Variants in DDX20 observed in about 807,000 individuals in gnomAD.
DDX20 encodes the protein DEAD-box helicase 20.
In DDX20, 61 loss-of-function variants were observed where a neutral mutation model predicts 76.4. The ratio of observed to expected loss-of-function variants is 0.80; its 90% CI spans 0.65 to 0.99. The LOEUF is 0.99. Ranked by LOEUF, DDX20 falls within the 50% of genes least tolerant of loss-of-function variation. The probability of loss-of-function intolerance (pLI) is 0.00; values close to 1 mark genes in which losing one functional copy is unlikely to be tolerated. For missense variants in DDX20, 976 were observed against 996.8 expected, an observed-to-expected ratio of 0.98 and a Z score of 0.28; for synonymous variants, 357 against 357.4, an observed-to-expected ratio of 1.00 and a Z score of 0.01.
chr1:111,766,205 T>G lies in DDX20; in HGVS notation c.1781T>G (p.Leu594Trp). The change falls in exon 11 of 11, where the codon TTG becomes TGG. Residue 594 changes from leucine to tryptophan, a missense_variant. Leu to Trp is a moderately conservative substitution (Grantham distance 61). Transcript: ENST00000369702. Reference sequence around the variant, plus strand: ...CCATACACGTTGACTTTTGCTGAATTGGTAGAGGATTATGAACATTATATT... The same window carrying G: ...CCATACACGTTGACTTTTGCTGAATGGGTAGAGGATTATGAACATTATATT... The part of the protein sequence containing the change: ...HQPYTLTFAE[L>W]VEDYEHYIKE... The G allele has an allele frequency of 6.2e-7, 1 of 1,614,208 alleles. No homozygotes were observed. The highest frequency in any genetic ancestry group is 8.5e-7 in the Non-Finnish European group (1 of 1,180,030).
chr1:111,760,617 A>G, intron 4 of DDX20, 29 bp downstream of exon 4: 1 of 1,602,704 alleles, frequency 6.2e-7, no homozygotes. Context: ...TTGACTATTA[A>G]AACAGTGTTC....
chr1:111,764,849 G>A (rs1405323879), intron 10 of DDX20, among the ~76,000 whole-genome samples: 2 of 152,196 alleles, frequency 1.3e-5, no homozygotes, highest in Non-Finnish European at 2.9e-5. Flanking sequence ...GGCAGAACTA[G>A]GAGGGAAATT....
At chr1:111,756,266 G>GGGGGGGGGCC in intron 1 of DDX20, 41 bp downstream of exon 1, 1 of 842,540 alleles carries the variant, frequency 1.2e-6, no homozygotes, top group South Asian at 2.0e-5. Flanking sequence ...GGTGGGGTGG[G>GGGGGGGGGCC]AGAAGGGGGA....
chr1:111,766,580 TG>T lies in DDX20; in HGVS notation c.2157del (p.Met719IlefsTer46). 2 of 1,614,158 alleles carry T rather than the reference TG, an allele frequency of 1.2e-6. No individual in the cohort carries two copies. The highest frequency in any genetic ancestry group is 1.7e-6 in the Non-Finnish European group (2 of 1,179,996). On this transcript the variant is annotated frameshift_variant, in exon 11 of 11. Coordinates refer to ENST00000369702, the MANE Select transcript of DDX20 (RefSeq NM_007204.5). LOFTEE classifies it high-confidence loss of function. ...TATCAAGAATCACCTGGAATCCAGA[TG>T]AAGACAAGACTTAAAGAGGGGGCTA... ...EKYQESPGIQ[M>X]KTRLKEGASQ...
intron 7 of DDX20, 151 bp from the exon 8 acceptor site, chr1:111,762,104 T>C (rs909137590): frequency 1.7e-6 from 1 of 571,586 alleles, no homozygotes. Flanking sequence ...CTTTGGATCT[T>C]AACCTAGATT....
intron 2 of DDX20, 53 bp downstream of exon 2, chr1:111,756,793 GGTC>G: frequency 7.1e-7 from 1 of 1,405,878 alleles, no homozygotes; most frequent in Non-Finnish European, 1.0e-6. Context: ...CTTTACCACA[GGTC>G]AGATGAAATA....
Position 111,761,262 on chromosome 1 carries a change from C to T in DDX20, c.999C>T (p.Gly333=). 6.2e-7 allele frequency: 1 copy of T among 1,613,304 alleles called. No homozygotes were observed. The highest frequency in any genetic ancestry group is 8.5e-7 in the Non-Finnish European group (1 of 1,179,582). ...TGGCTGATATCCTTTCTTCTAAAGG[C>T]TTTCCTGCTGAGTGCATTTCAGGTA... ...QHLADILSSK[G]FPAECISGNM... Residue 333 remains glycine, a synonymous_variant, in exon 7 of 11, where the codon GGC becomes GGT. Transcript: ENST00000369702.
intron 2 of DDX20, among the ~76,000 whole-genome samples, chr1:111,757,289 A>G (rs3767590): frequency 0.036 from 5,428 of 152,208 alleles, 134 homozygotes; most frequent in East Asian, 0.073. Flanking sequence ...GGGTTCAAGC[A>G]ATCCTCCCAC....
Position 111,766,672 on chromosome 1 carries a change from G to A in DDX20, c.2248G>A (p.Ala750Thr), listed in dbSNP as rs530909803. ...GTCTTCCTTCAGATTGCAGACTGAA[G>A]CCCAGGAAGATGATTGGTATGACTG... ...RRSSFRLQTE[A>T]QEDDWYDCHR... The change falls in exon 11 of 11, where the codon GCC (alanine) becomes ACC (threonine). Residue 750 changes from alanine (A) to threonine (T), a missense_variant. Ala to Thr is a moderately conservative substitution (Grantham distance 58). Around this residue, in one of 3 missense-constraint regions of DDX20, gnomAD observed 630 missense variants for 693.7 expected, o/e 0.91. Coordinates refer to ENST00000369702, the MANE Select transcript of DDX20 (RefSeq NM_007204.5). 1.2e-5 allele frequency: 20 copies of A among 1,614,156 alleles called. No individual in the cohort carries two copies. In the South Asian group the frequency reaches 2.1e-4, roughly 17 times the overall value.
chr1:111,758,656 G>A (rs1017753387), intron 2 of DDX20, among the ~76,000 whole-genome samples: 1 of 152,044 alleles, frequency 6.6e-6, no homozygotes, highest in African/African-American at 2.4e-5. Flanking sequence ...TCTACTCTAT[G>A]CCATTCACGT....
intron 2 of DDX20, among the ~76,000 whole-genome samples, chr1:111,757,596 T>G (rs1371599075): frequency 1.3e-5 from 2 of 152,230 alleles, no homozygotes; most frequent in Admixed American, 6.5e-5. Flanking sequence ...TATGGCAGAC[T>G]GTATTTCAAG....
At position 111,766,528 on chromosome 1, in the gene DDX20, G is replaced by T; in HGVS notation, c.2104G>T (p.Gly702Ter). Residue 702 changes from glycine (G) to a stop codon, truncating the protein, a stop_gained, in exon 11 of 11, where the codon GGA becomes TGA. Coordinates refer to ENST00000369702, the MANE Select transcript of DDX20 (RefSeq NM_007204.5). LOFTEE classifies it high-confidence loss of function. ...DRISLEQPPN[G>*]SDTPNPEKYQ... is the part of the protein sequence containing the mutation. ...TATTTCTTTGGAACAACCACCAAAT[G>T]GAAGTGACACCCCCAATCCAGAGAA... The T allele has an allele frequency of 6.2e-7, 1 of 1,614,118 alleles. No individual in the cohort carries two copies. Among genetic ancestry groups the T allele is most frequent in the Non-Finnish European group, 8.5e-7 (1 of 1,179,986 alleles).
In DDX20 at chr1:111,761,012, C is replaced by G. The variant is rs1320210164; in HGVS notation, c.849C>G (p.Val283=). Residue 283 remains valine, a synonymous_variant, in exon 6 of 11, where the codon GTC becomes GTG. Coordinates refer to ENST00000369702, the MANE Select transcript of DDX20 (RefSeq NM_007204.5). Reference sequence around the variant, plus strand: ...GTTTGAAGCAGTATTACAAAGTTGTCAATTCATACCCTTTGGCACATAAGG... The same window carrying G: ...GTTTGAAGCAGTATTACAAAGTTGTGAATTCATACCCTTTGGCACATAAGG... The part of the protein sequence containing the change: ...LIGLKQYYKV[V]NSYPLAHKVF... 2.5e-6 allele frequency: 4 copies of G among 1,613,742 alleles called. No individual in the cohort carries two copies. Among genetic ancestry groups the G allele is most frequent in the Admixed American group, 1.7e-5 (1 of 59,966 alleles).
In DDX20 at chr1:111,767,109, A is replaced by C. The variant is rs1663800626; in HGVS notation, c.*210A>C. 5.1e-6 allele frequency: 2 copies of C among 389,172 alleles called. No individual in the cohort carries two copies. Among genetic ancestry groups the C allele is most frequent in the African/African-American group, 2.1e-5 (1 of 48,406 alleles). 24.1% of individuals were successfully genotyped at this position (389,172 alleles called of 1,614,324 possible). A position where few individuals can be genotyped will look rare whatever the true frequency, so the allele number is the denominator to read the frequency against. ...TCATTTTTAAGAGTTTCTTTAAGAA[A>C]CTTCATCAGATTGTTGAAAGATAAT... On this transcript the variant is annotated 3_prime_UTR_variant, in exon 11 of 11. Coordinates refer to ENST00000369702, the MANE Select transcript of DDX20 (RefSeq NM_007204.5).
At chr1:111,762,427 G>T in intron 8 of DDX20, 90 bp downstream of exon 8, 1 of 1,077,236 alleles carries the variant, frequency 9.3e-7, no homozygotes, top group South Asian at 1.4e-5. Flanking sequence ...TTTTATGTAG[G>T]CGTATCTAAC....
At position 111,762,766 on chromosome 1, in the gene DDX20, G is replaced by T; in HGVS notation, c.1194G>T (p.Gly398=). Residue 398 remains glycine (G), a synonymous_variant, in exon 9 of 11, where the codon GGG becomes GGT. Transcript: ENST00000369702. Reference sequence around the variant, plus strand: ...GGGAGACATACATGCATCGGATTGGGAGAGCTGGCCGTTTTGGTAAAAAAA... The same window carrying T: ...GGGAGACATACATGCATCGGATTGGTAGAGCTGGCCGTTTTGGTAAAAAAA... ...LDWETYMHRI[G]RAGRFGTLGL... is the part of the protein sequence containing the mutation. 6.2e-7 allele frequency: 1 copy of T among 1,612,958 alleles called. No homozygotes were observed. The highest frequency in any genetic ancestry group is 1.1e-5 in the South Asian group (1 of 90,926).
intron 7 of DDX20, 138 bp from the exon 8 acceptor site, chr1:111,762,117 C>A: frequency 1.7e-6 from 1 of 603,864 alleles, no homozygotes; most frequent in Non-Finnish European, 2.9e-6. Context: ...CCTAGATTTG[C>A]ACAGAAGGAC....
At chr1:111,765,111 G>T (rs1337940347) in intron 10 of DDX20, among the ~76,000 whole-genome samples, 1 of 152,208 alleles carries the variant, frequency 6.6e-6, no homozygotes, top group African/African-American at 2.4e-5. Flanking sequence ...GAAGCAAATT[G>T]TCACACCTGG....
intron 2 of DDX20, 133 bp from the exon 3 acceptor site, chr1:111,759,267 A>G: frequency 2.6e-6 from 2 of 765,538 alleles, no homozygotes; most frequent in Non-Finnish European, 3.9e-6. Context: ...GGATAACTGT[A>G]CCTTACCTTA....
Sources: gnomAD v4.1 joint callset for allele counts (sites outside exome capture counted in the v4.1 genomes callset) on GRCh38, gnomAD v4.1.1 for gene constraint, gnomAD v4.1.1 regional missense constraint, MANE v1.5 for transcripts, NCBI Gene and HGNC (gene_info 2026-07-23, HGNC 2026-07-21) for gene names.